NXPH2: variants seen among roughly 807,000 people sequenced by gnomAD.
NXPH2 encodes the protein neurexophilin-2.
Under a neutral mutation model 19.8 loss-of-function variants are expected in NXPH2, and 5 were observed. The ratio of observed to expected loss-of-function variants is 0.25; its 90% CI spans 0.13 to 0.53. The LOEUF is 0.53. Ranked by LOEUF, NXPH2 falls within the 20% of genes least tolerant of loss-of-function variation. The pLI is 0.96. For synonymous variants in NXPH2, 154 were observed against 127.4 expected, an observed-to-expected ratio of 1.21 and a Z score of -1.41; for missense variants, 289 against 322.8, an observed-to-expected ratio of 0.90 and a Z score of 0.80.
chr2:138,694,499 G>A (rs1369697613), intron 1 of NXPH2, among the ~76,000 whole-genome samples: 3 of 152,082 alleles, frequency 2.0e-5, no homozygotes, highest in African/African-American at 4.8e-5. Flanking sequence ...TTGGAGTTAC[G>A]CTGCCACAAA....
intron 1 of NXPH2, among the ~76,000 whole-genome samples, chr2:138,735,075 T>C (rs1681518385): frequency 6.6e-6 from 1 of 152,130 alleles, no homozygotes; most frequent in African/African-American, 2.4e-5. Context: ...GTAATAAGCA[T>C]AGATAGAAAT....
At chr2:138,777,602 A>G (rs1364337249) in intron 1 of NXPH2, among the ~76,000 whole-genome samples, 2 of 151,892 alleles carry the variant, frequency 1.3e-5, no homozygotes, top group Non-Finnish European at 2.9e-5. Flanking sequence ...TATATGTTAT[A>G]TATAACCATA....
intron 1 of NXPH2, among the ~76,000 whole-genome samples, chr2:138,699,797 A>AC (rs1456266758): frequency 6.6e-6 from 1 of 152,158 alleles, no homozygotes; most frequent in East Asian, 1.9e-4. Context: ...AGCTGCGAAA[A>AC]CACGTTCATG....
At chr2:138,736,469 G>A (rs1317802824) in intron 1 of NXPH2, among the ~76,000 whole-genome samples, 9 of 152,346 alleles carry the variant, frequency 5.9e-5, no homozygotes, top group Admixed American at 6.5e-5. Flanking sequence ...AGCTGCAGCA[G>A]TTAGAATGCA....
At chr2:138,740,086 G>A (rs1182427170) in intron 1 of NXPH2, among the ~76,000 whole-genome samples, 3 of 152,058 alleles carry the variant, frequency 2.0e-5, no homozygotes, top group South Asian at 2.1e-4. Context: ...AAAGACACAC[G>A]CAGACTGGCC....
intron 1 of NXPH2, among the ~76,000 whole-genome samples, chr2:138,706,093 G>T (rs4129484): frequency 0.5 from 76,347 of 152,094 alleles, 21,331 homozygotes; most frequent in South Asian, 0.75. Context: ...AGTGTTTTAA[G>T]GGAAAACAAT....
intron 1 of NXPH2, among the ~76,000 whole-genome samples, chr2:138,732,314 G>A (rs1466777756): frequency 1.3e-5 from 2 of 152,156 alleles, no homozygotes; most frequent in African/African-American, 4.8e-5. Context: ...GGAGAAAGTC[G>A]AGAAGCTCTC....
chr2:138,671,592 G>T lies in NXPH2; in HGVS notation c.125C>A (p.Thr42Lys). ...TGAGTGCACCACGTTGCCGACCAACGTCCCTGGAGCATCTTTGTCTTCCCA... is the reference window on the plus strand; with the variant it reads ...TGAGTGCACCACGTTGCCGACCAACTTCCCTGGAGCATCTTTGTCTTCCCA... ...LDWEDKDAPG[T>K]LVGNVVHSRI... The change falls in exon 2 of 2, where the codon ACG becomes AAG. Residue 42 changes from threonine (T) to lysine (K), a missense_variant. Coordinates refer to ENST00000272641, the MANE Select transcript of NXPH2 (RefSeq NM_007226.3). The T allele has an allele frequency of 6.2e-7, 1 of 1,612,122 alleles. No homozygotes were observed. Among genetic ancestry groups the T allele is most frequent in the East Asian group, 2.2e-5 (1 of 44,868 alleles).
intron 1 of NXPH2, among the ~76,000 whole-genome samples, chr2:138,736,865 T>G (rs975840735): frequency 6.6e-6 from 1 of 152,188 alleles, no homozygotes; most frequent in Non-Finnish European, 1.5e-5. Flanking sequence ...AGTTCGAAGT[T>G]CCACAAATCT....
intron 1 of NXPH2, among the ~76,000 whole-genome samples, chr2:138,733,576 C>G (rs1044467850): frequency 5.9e-5 from 9 of 152,144 alleles, no homozygotes; most frequent in Admixed American, 1.3e-4. Flanking sequence ...GAGAAAAATT[C>G]TTCAGAAATT....
intron 1 of NXPH2, among the ~76,000 whole-genome samples, chr2:138,757,141 C>A (rs1238934414): frequency 6.6e-6 from 1 of 152,150 alleles, no homozygotes; most frequent in Non-Finnish European, 1.5e-5. Context: ...TTAATTTAAG[C>A]ATACTATAAA....
At chr2:138,694,803 C>A (rs1187688631) in intron 1 of NXPH2, among the ~76,000 whole-genome samples, 2 of 152,124 alleles carry the variant, frequency 1.3e-5, no homozygotes, top group Non-Finnish European at 2.9e-5. Context: ...AACTAGTCAA[C>A]CACACAATCA....
intron 1 of NXPH2, among the ~76,000 whole-genome samples, chr2:138,701,234 T>A (rs1460263436): frequency 6.6e-6 from 1 of 152,142 alleles, no homozygotes; most frequent in Non-Finnish European, 1.5e-5. Context: ...TGTTTTACGA[T>A]AAAGGTCAAG....
At chr2:138,766,716 T>G (rs1349979297) in intron 1 of NXPH2, among the ~76,000 whole-genome samples, 1 of 152,130 alleles carries the variant, frequency 6.6e-6, no homozygotes, top group African/African-American at 2.4e-5. Flanking sequence ...CATTTTGAAA[T>G]TTACGGAGTA....
chr2:138,735,781 T>G (rs1681529421), intron 1 of NXPH2, among the ~76,000 whole-genome samples: 1 of 152,326 alleles, frequency 6.6e-6, no homozygotes. Flanking sequence ...TATGAACCTG[T>G]AAAATCAAAA....
At chr2:138,715,540 G>A (rs1018298010) in intron 1 of NXPH2, among the ~76,000 whole-genome samples, 1 of 152,150 alleles carries the variant, frequency 6.6e-6, no homozygotes, top group Non-Finnish European at 1.5e-5. Context: ...TGTTTACCAA[G>A]TGCTTTCTCC....
chr2:138,779,390 CAGG>C (rs1427245126), intron 1 of NXPH2, among the ~76,000 whole-genome samples: 1 of 152,166 alleles, frequency 6.6e-6, no homozygotes, highest in Non-Finnish European at 1.5e-5. Context: ...AGGCGTATAT[CAGG>C]AGGAGGAGAG....
intron 1 of NXPH2, 132 bp downstream of exon 1, chr2:138,780,059 C>T (rs1364949602): frequency 1.2e-6 from 1 of 858,430 alleles, no homozygotes; most frequent in Non-Finnish European, 1.7e-6. Context: ...ACCCAAAACT[C>T]CTTGCCCTCC....
At chr2:138,765,335 A>G (rs1682074243) in intron 1 of NXPH2, among the ~76,000 whole-genome samples, 1 of 152,218 alleles carries the variant, frequency 6.6e-6, no homozygotes, top group African/African-American at 2.4e-5. Context: ...CCTGATCACA[A>G]TAAGTAAGGT....
Sources: gnomAD v4.1 joint callset for allele counts (sites outside exome capture counted in the v4.1 genomes callset) on GRCh38, gnomAD v4.1.1 for gene constraint, MANE v1.5 for transcripts, NCBI Gene and HGNC (gene_info 2026-07-23, HGNC 2026-07-21) for gene names.